The following F8 variants were observed in gnomAD, a reference collection of about 807,000 sequenced individuals.
The protein encoded by F8 is antihemophilic factor.
Under a neutral mutation model 140.6 loss-of-function variants are expected in F8, and 12 were observed. The observed-to-expected ratio is 0.09, with a 90% confidence interval of 0.05 to 0.14. The LOEUF (loss-of-function observed/expected upper bound fraction) is 0.14. Among genes scored for constraint, F8 ranks in the 10% least tolerant of loss-of-function variants. The pLI is 1.00. For synonymous variants in F8, 585 were observed against 614.6 expected (o/e 0.95, Z 0.71); for missense variants, 1,354 against 1,720.7 (o/e 0.79, Z 3.77).
intron 14 of F8, among the ~76,000 whole-genome samples, chrX:154,925,117 T>C (rs2073153702): frequency 8.9e-6 from 1 of 112,526 alleles, no homozygotes; most frequent in Non-Finnish European, 1.9e-5. Flanking sequence ...CCTCAGAAAA[T>C]GGGATTTGCT....
intron 14 of F8, among the ~76,000 whole-genome samples, chrX:154,912,603 G>A (rs1210037541): frequency 8.9e-6 from 1 of 112,189 alleles, no homozygotes; most frequent in African/African-American, 3.2e-5. Flanking sequence ...GGTTACTACA[G>A]CTTTGTAGTA....
chrX:154,871,824 C>A (rs1244102413), intron 22 of F8, among the ~76,000 whole-genome samples: 1 of 111,808 alleles, frequency 8.9e-6, no homozygotes, highest in Non-Finnish European at 1.9e-5. Context: ...TATCCAGAAT[C>A]TACAAAGAAC....
chrX:154,950,367 T>C (rs367874995), intron 12 of F8, among the ~76,000 whole-genome samples: 3 of 111,730 alleles, frequency 2.7e-5, no homozygotes, highest in Non-Finnish European at 3.8e-5. Flanking sequence ...CAATACTTGG[T>C]ATGGACAGCC....
At chrX:155,013,473 T>A (rs936133102) in intron 1 of F8, among the ~76,000 whole-genome samples, 1 of 111,829 alleles carries the variant, frequency 8.9e-6, no homozygotes, top group African/African-American at 3.3e-5. Flanking sequence ...TGTGGAACTG[T>A]GAGTCCATTA....
At chrX:154,969,951 A>C (rs1207741480) in intron 6 of F8, among the ~76,000 whole-genome samples, 1 of 110,774 alleles carries the variant, frequency 9.0e-6, no homozygotes, top group East Asian at 2.8e-4. Flanking sequence ...CAACATCTCC[A>C]CCTAGATATC....
intron 10 of F8, among the ~76,000 whole-genome samples, chrX:154,959,773 T>G (rs1381934066): frequency 8.9e-6 from 1 of 112,095 alleles, no homozygotes; most frequent in Non-Finnish European, 1.9e-5. Flanking sequence ...TTTATCTTAA[T>G]AGTAAAATCA....
chrX:154,920,519 A>G (rs1163327983), intron 14 of F8, among the ~76,000 whole-genome samples: 1 of 110,660 alleles, frequency 9.0e-6, no homozygotes, highest in East Asian at 2.8e-4. Context: ...TGGTGTGATC[A>G]TTGCTTACTG....
chrX:154,904,321 A>G lies in F8; in HGVS notation c.5790T>C (p.Thr1930=). 1 of 1,210,006 alleles carries G rather than the reference A, an allele frequency of 8.3e-7. No homozygotes were observed. The highest frequency in any genetic ancestry group is 3.0e-5 in the East Asian group (1 of 33,857). ...APCNIQMEDP[T]FKENYRFHAI... ...CATGGAAGCGATAATTCTCTTTAAA[A>G]GTGGGATCTTCCATCTGGATATTGC... The change falls in exon 17 of 26, where the codon ACT becomes ACC. Residue 1930 remains threonine (T), a synonymous_variant. Transcript: ENST00000360256.
At chrX:154,987,351 T>A (rs1557284329) in intron 4 of F8, 46 bp from the exon 5 acceptor site, 3 of 1,063,311 alleles carry the variant, frequency 2.8e-6, no homozygotes, top group Non-Finnish European at 2.6e-6. Context: ...AAAAATCTCA[T>A]TGTAGGAAAT....
chrX:154,976,300 A>G (rs1603435669), intron 6 of F8, among the ~76,000 whole-genome samples: 1 of 111,757 alleles, frequency 8.9e-6, no homozygotes, highest in East Asian at 2.8e-4. Context: ...ATCTGTTTCT[A>G]TCCCTTCGCT....
intron 4 of F8, among the ~76,000 whole-genome samples, chrX:154,988,911 C>T (rs2073573209): frequency 8.9e-6 from 1 of 112,063 alleles, no homozygotes; most frequent in Non-Finnish European, 1.9e-5. Context: ...GTCATCCTGA[C>T]TCCTTGGCTA....
chrX:154,855,572 G>A (rs1195851865), intron 25 of F8, among the ~76,000 whole-genome samples: 15 of 111,610 alleles, frequency 1.3e-4, no homozygotes, highest in Non-Finnish European at 2.4e-4. Flanking sequence ...TGATTAAGCT[G>A]GGGACATTGA....
In F8 at chrX:154,870,758, T is replaced by A. The variant is rs1453501530; in HGVS notation, c.6430-7531A>T. ...AATAGGAAAAGAGGAAGTCAAATTG[T>A]CTCTCTTTGCAGATGACATGATTGT... On this transcript the variant is annotated intron_variant, in intron 22 of 25. Transcript: ENST00000360256. Among the ~76,000 whole-genome samples, 4 of 111,448 alleles carry A rather than the reference T, an allele frequency of 3.6e-5. No homozygotes were observed. The Admixed American group carries it at 3.8e-4, about 11-fold the overall frequency.
intron 7 of F8, 116 bp from the exon 8 acceptor site, chrX:154,966,803 C>T (rs2073427083): frequency 2.2e-6 from 2 of 925,758 alleles, no homozygotes; most frequent in African/African-American, 1.9e-5. Context: ...TTTCTGCAGG[C>T]TATATGGGAA....
At chrX:154,844,704 T>G (rs1423118178) in intron 25 of F8, among the ~76,000 whole-genome samples, 8 of 111,659 alleles carry the variant, frequency 7.2e-5, no homozygotes, top group Non-Finnish European at 1.1e-4. Context: ...GAGACAATGG[T>G]GTTTTCTAGA....
intron 1 of F8, among the ~76,000 whole-genome samples, chrX:155,000,320 C>A (rs1557285495): frequency 8.9e-6 from 1 of 111,869 alleles, no homozygotes; most frequent in Non-Finnish European, 1.9e-5. Context: ...GGGACACTGG[C>A]CCCAAGTGAA....
chrX:155,016,891 C>T (rs1181164751), intron 1 of F8, among the ~76,000 whole-genome samples: 1 of 112,298 alleles, frequency 8.9e-6, no homozygotes, highest in Admixed American at 9.4e-5. Context: ...TAAACTATAC[C>T]TGTGGCAGGT....
chrX:154,875,390 C>A (rs1325264881), intron 22 of F8, among the ~76,000 whole-genome samples: 1 of 111,772 alleles, frequency 8.9e-6, no homozygotes, highest in African/African-American at 3.3e-5. Flanking sequence ...GGTAGCTAGG[C>A]AAAGAGATAG....
intron 25 of F8, 37 bp from the exon 26 acceptor site, chrX:154,837,789 C>G: frequency 7.6e-6 from 9 of 1,181,892 alleles, no homozygotes; most frequent in Non-Finnish European, 9.2e-6. Flanking sequence ...GGTTGTCTGA[C>G]AGGACAATGG....
Sources: allele counts gnomAD v4.1 joint callset (sites outside exome capture counted in the v4.1 genomes callset), GRCh38; gene constraint gnomAD v4.1.1; transcripts MANE v1.5; gene names NCBI Gene and HGNC (gene_info 2026-07-23, HGNC 2026-07-21).